GHR: variants seen among roughly 807,000 people sequenced by gnomAD.
GHR encodes the protein GH receptor.
Under a neutral mutation model 67.1 loss-of-function variants are expected in GHR, and 35 were observed. The ratio of observed to expected loss-of-function variants is 0.52; its 90% confidence interval spans 0.40 to 0.69. GHR has a LOEUF of 0.69. GHR is among the 30% of genes least tolerant of loss of function. GHR has a pLI of 0.00. For missense variants in GHR, 792 were observed against 764.6 expected (o/e 1.04, Z -0.42); for synonymous variants, 272 against 269.1 (o/e 1.01, Z -0.10).
chr5:42,454,415 C>T (rs1466121814), intron 1 of GHR, among the ~76,000 whole-genome samples: 1 of 152,164 alleles, frequency 6.6e-6, no homozygotes, highest in African/African-American at 2.4e-5. Flanking sequence ...AGTTGGTTGG[C>T]CTCCAGCCAG....
At chr5:42,627,514 T>C (rs1039749658) in intron 2 of GHR, among the ~76,000 whole-genome samples, 12 of 152,200 alleles carry the variant, frequency 7.9e-5, no homozygotes, top group African/African-American at 2.9e-4. Context: ...AACTGTAAAA[T>C]ATTTTAAAGA....
chr5:42,483,197 G>A (rs550870857), intron 1 of GHR, among the ~76,000 whole-genome samples: 28 of 152,230 alleles, frequency 1.8e-4, no homozygotes, highest in South Asian at 4.1e-4. Flanking sequence ...GACTACAGGC[G>A]TGTACCTCCA....
At chr5:42,463,486 T>C (rs1744574983) in intron 1 of GHR, among the ~76,000 whole-genome samples, 2 of 152,194 alleles carry the variant, frequency 1.3e-5, no homozygotes. Context: ...CTGAGAACTA[T>C]TTTTTTGTAC....
intron 3 of GHR, among the ~76,000 whole-genome samples, chr5:42,662,627 G>C (rs945830572): frequency 4.6e-5 from 7 of 152,102 alleles, no homozygotes; most frequent in African/African-American, 1.7e-4. Context: ...GAAATTTATA[G>C]CACTAAATGC....
intron 2 of GHR, among the ~76,000 whole-genome samples, chr5:42,574,073 G>A (rs1284555552): frequency 6.6e-6 from 1 of 152,144 alleles, no homozygotes; most frequent in Admixed American, 6.5e-5. Flanking sequence ...CTAACATTTA[G>A]GACATATAAT....
Position 42,708,292 on chromosome 5 carries a change from G to A in GHR, c.619-2915G>A, listed in dbSNP as rs190381496. ...GTGAGGCCAGGTTTTATTCATTTACGAAAATAGCACATTCTAATAGATTTA... is the reference window on the plus strand; with the variant it reads ...GTGAGGCCAGGTTTTATTCATTTACAAAAATAGCACATTCTAATAGATTTA... On this transcript the variant is annotated intron_variant, in intron 6 of 9. Transcript: ENST00000230882. 1.3e-3 allele frequency among the ~76,000 whole-genome samples: 195 copies of A among 151,992 alleles called. 3 individuals carry two copies. The highest frequency in any genetic ancestry group is 0.012 in the Admixed American group (176 of 15,232).
At chr5:42,478,304 A>C (rs888737341) in intron 1 of GHR, among the ~76,000 whole-genome samples, 1 of 152,194 alleles carries the variant, frequency 6.6e-6, no homozygotes, top group Admixed American at 6.5e-5. Context: ...GTATAGTTTG[A>C]AGTCAGGTAG....
intron 1 of GHR, among the ~76,000 whole-genome samples, chr5:42,502,591 A>G (rs890958306): frequency 6.6e-6 from 1 of 151,872 alleles, no homozygotes; most frequent in Non-Finnish European, 1.5e-5. Flanking sequence ...CTTTAGTCAG[A>G]AAAATATTCT....
intron 3 of GHR, among the ~76,000 whole-genome samples, chr5:42,640,746 C>T (rs983917754): frequency 4.7e-5 from 7 of 147,990 alleles, no homozygotes; most frequent in Admixed American, 3.4e-4. Flanking sequence ...AAATACCTAA[C>T]ATCTTATTCC....
intron 2 of GHR, among the ~76,000 whole-genome samples, chr5:42,569,276 G>T (rs1750128207): frequency 1.3e-5 from 2 of 152,196 alleles, no homozygotes; most frequent in Non-Finnish European, 2.9e-5. Context: ...TCTATTTTAT[G>T]CATTTAACAT....
At chr5:42,709,438 T>C (rs547497533) in intron 6 of GHR, among the ~76,000 whole-genome samples, 1 of 152,328 alleles carries the variant, frequency 6.6e-6, no homozygotes, top group East Asian at 1.9e-4. Context: ...CCACTGTGCC[T>C]GGCTGCCCTT....
chr5:42,599,330 A>G (rs1561156750), intron 2 of GHR, among the ~76,000 whole-genome samples: 1 of 148,390 alleles, frequency 6.7e-6, no homozygotes. Flanking sequence ...AATCTAGCTC[A>G]TGGGCATGTT....
intron 2 of GHR, among the ~76,000 whole-genome samples, chr5:42,607,535 A>T (rs1337433104): frequency 6.6e-6 from 1 of 152,236 alleles, no homozygotes; most frequent in Non-Finnish European, 1.5e-5. Context: ...GATTAGGAAT[A>T]AGAAAACTGA....
intron 2 of GHR, among the ~76,000 whole-genome samples, chr5:42,623,856 T>A (rs925440522): frequency 2.0e-5 from 3 of 152,224 alleles, no homozygotes; most frequent in Non-Finnish European, 2.9e-5. Flanking sequence ...AATGGTTTCA[T>A]TAACTTTGTT....
chr5:42,594,958 A>G (rs1327564766), intron 2 of GHR, among the ~76,000 whole-genome samples: 1 of 152,176 alleles, frequency 6.6e-6, no homozygotes, highest in African/African-American at 2.4e-5. Context: ...TATTATAATA[A>G]TAGTTTAACT....
At chr5:42,602,841 T>A (rs951058254) in intron 2 of GHR, among the ~76,000 whole-genome samples, 1 of 152,240 alleles carries the variant, frequency 6.6e-6, no homozygotes, top group African/African-American at 2.4e-5. Flanking sequence ...ATATTGTGTA[T>A]GTAGTAACAT....
chr5:42,624,497 T>C (rs1306165060), intron 2 of GHR, among the ~76,000 whole-genome samples: 1 of 152,218 alleles, frequency 6.6e-6, no homozygotes, highest in Non-Finnish European at 1.5e-5. Context: ...AACATATTTT[T>C]AAAACCACTT....
chr5:42,544,851 A>G (rs1323072867), intron 1 of GHR, among the ~76,000 whole-genome samples: 2 of 152,160 alleles, frequency 1.3e-5, no homozygotes, highest in African/African-American at 2.4e-5. Context: ...AAAAGCACCA[A>G]TCTGAATGTC....
chr5:42,470,170 T>C (rs1206022215), intron 1 of GHR, among the ~76,000 whole-genome samples: 3 of 144,336 alleles, frequency 2.1e-5, no homozygotes, highest in Non-Finnish European at 3.0e-5. Flanking sequence ...ATATAAGATA[T>C]AATTATATAT....
Sources: allele counts gnomAD v4.1 joint callset (sites outside exome capture counted in the v4.1 genomes callset), GRCh38; gene constraint gnomAD v4.1.1; transcripts MANE v1.5; gene names NCBI Gene and HGNC (gene_info 2026-07-23, HGNC 2026-07-21).